The following BRIP1 variants were observed in gnomAD, a reference collection of about 807,000 sequenced individuals.
BRIP1 encodes the protein BRCA1 interacting DNA helicase 1, also known as Fanconi anemia group J protein.
BRIP1 carries 88 observed loss-of-function variants against 119.7 expected under a neutral mutation model. That is an observed-to-expected ratio of 0.74 (90% CI 0.62 to 0.88). The LOEUF is 0.88. BRIP1 is among the 40% of genes least tolerant of loss of function. The pLI is 0.00. For synonymous variants in BRIP1, 443 were observed against 496.5 expected, an observed-to-expected ratio of 0.89 and a Z score of 1.43; for missense variants, 1,259 against 1,455.4, an observed-to-expected ratio of 0.87 and a Z score of 2.20.
rs1403396129 is a variant in BRIP1, at chr17:61,730,479, G to A, written c.2379+12534C>T. Among the ~76,000 whole-genome samples the A allele has an allele frequency of 6.6e-6, 1 of 152,122 alleles. No homozygotes were observed. Among genetic ancestry groups the A allele is most frequent in the Non-Finnish European group, 1.5e-5 (1 of 68,032 alleles). On this transcript the variant is annotated intron_variant, in intron 16 of 19. Coordinates refer to ENST00000259008, the MANE Select transcript of BRIP1 (RefSeq NM_032043.3). The surrounding 1 kb of genome is among the most constrained non-coding windows in gnomAD (Gnocchi z 4.3). Reference sequence around the variant, plus strand: ...TCCATGCCAACATAAGTAGGTAAGTGTCAATCAACCTTACAAGTCCTCAGG... The same window carrying A: ...TCCATGCCAACATAAGTAGGTAAGTATCAATCAACCTTACAAGTCCTCAGG...
At position 61,844,015 on chromosome 17, in the gene BRIP1, T is replaced by G. The variant is rs2078694140; in HGVS notation, c.627+3086A>C. 6.6e-6 allele frequency among the ~76,000 whole-genome samples: 1 copy of G among 152,028 alleles called. No individual in the cohort carries two copies. Among genetic ancestry groups the G allele is most frequent in the African/African-American group, 2.4e-5 (1 of 41,420 alleles). On this transcript the variant is annotated intron_variant, in intron 6 of 19. Coordinates refer to ENST00000259008, the MANE Select transcript of BRIP1 (RefSeq NM_032043.3). The surrounding 1 kb of genome is among the most constrained non-coding windows in gnomAD (Gnocchi z 4.7). Reference sequence around the variant, plus strand: ...TCATAGTTCAATACAGCCTCAATCTTCTGGCTCAAGGGATCCCCCTCCCTC... The same window carrying G: ...TCATAGTTCAATACAGCCTCAATCTGCTGGCTCAAGGGATCCCCCTCCCTC...
Position 61,803,716 on chromosome 17 carries a change from C to T in BRIP1, c.919-2242G>A, listed in dbSNP as rs2078030536. On this transcript the variant is annotated intron_variant, in intron 7 of 19. Transcript: ENST00000259008. The surrounding 1 kb of genome is among the most constrained non-coding windows in gnomAD (Gnocchi z 4.3). The stretch of plus-strand genomic sequence containing the variant: ...TGTCTCATATACTATTAAAAATGTA[C>T]AAAATTAGAAAAGTATATATATTTT... Among the ~76,000 whole-genome samples, 1 of 151,804 alleles carries T rather than the reference C, an allele frequency of 6.6e-6. No homozygotes were observed. Among genetic ancestry groups the T allele is most frequent in the Non-Finnish European group, 1.5e-5 (1 of 67,964 alleles).
rs2078700410 is a variant in BRIP1 at position 61,844,471 on chromosome 17, T to A, written c.627+2630A>T. Reference sequence around the variant, plus strand: ...TGGGCATGGTGTTGCACAGCTGTAGTCCTTGCTATTCAGGAGGCTGGGGTT... The same window carrying A: ...TGGGCATGGTGTTGCACAGCTGTAGACCTTGCTATTCAGGAGGCTGGGGTT... On this transcript the variant is annotated intron_variant, in intron 6 of 19. Coordinates refer to ENST00000259008, the MANE Select transcript of BRIP1 (RefSeq NM_032043.3). This position sits in a 1 kb window ranked among gnomAD's most constrained non-coding sequence, Gnocchi z 4.7. Among the ~76,000 whole-genome samples the A allele has an allele frequency of 6.6e-6, 1 of 152,150 alleles. No homozygotes were observed. Among genetic ancestry groups the A allele is most frequent in the Non-Finnish European group, 1.5e-5 (1 of 68,024 alleles).
In BRIP1 at chr17:61,810,647, T is replaced by C; in HGVS notation, c.628-1890A>G. ...AGCTTTTTCTCAAGGCTGGGAAAAC[T>C]TACTTTTTGATGTTACACTTTTCAA... On this transcript the variant is annotated intron_variant, in intron 6 of 19. Coordinates refer to ENST00000259008, the MANE Select transcript of BRIP1 (RefSeq NM_032043.3). This position sits in a 1 kb window ranked among gnomAD's most constrained non-coding sequence, Gnocchi z 4.7. Among the ~76,000 whole-genome samples the C allele has an allele frequency of 6.6e-6, 1 of 152,174 alleles. No homozygotes were observed. The highest frequency in any genetic ancestry group is 3.2e-3 in the Middle Eastern group (1 of 316).
rs1173206012 is a variant in BRIP1 at position 61,743,573 on chromosome 17, C to T, written c.2258-439G>A. Among the ~76,000 whole-genome samples, 2 of 152,152 alleles carry T rather than the reference C, an allele frequency of 1.3e-5. No homozygotes were observed. Among genetic ancestry groups the T allele is most frequent in the Non-Finnish European group, 2.9e-5 (2 of 68,028 alleles). On this transcript the variant is annotated intron_variant, in intron 15 of 19. Transcript: ENST00000259008. The surrounding 1 kb of genome is among the most constrained non-coding windows in gnomAD (Gnocchi z 4.3). ...TATTTAAAAGTATTGAAAACAGACA[C>T]AGAGAACACCATAATATATACACCA...
rs2077221323 is a variant in BRIP1 at position 61,757,880 on chromosome 17, T to C, written c.2098-13289A>G. Among the ~76,000 whole-genome samples, 1 of 151,252 alleles carries C rather than the reference T, an allele frequency of 6.6e-6. No individual in the cohort carries two copies. Among genetic ancestry groups the C allele is most frequent in the Non-Finnish European group, 1.5e-5 (1 of 67,818 alleles). ...TGGTGGTATGTTCCTGTAGTCCCAG[T>C]TACCCAGGAGGCTGAAGTGGGAGGA... is the stretch of plus-strand genomic sequence containing the variant. On this transcript the variant is annotated intron_variant, in intron 14 of 19. Coordinates refer to ENST00000259008, the MANE Select transcript of BRIP1 (RefSeq NM_032043.3). The surrounding 1 kb of genome is among the most constrained non-coding windows in gnomAD (Gnocchi z 4.3).
chr17:61,793,858 G>T lies in BRIP1; in HGVS notation c.1341-129C>A. 1 of 922,376 alleles carries T rather than the reference G, an allele frequency of 1.1e-6. No homozygotes were observed. Among genetic ancestry groups the T allele is most frequent in the Non-Finnish European group, 1.5e-6 (1 of 659,074 alleles). The allele number at this position is 922,376 out of a possible 1,614,324, so 57.1% of individuals were successfully genotyped here. On this transcript the variant is annotated intron_variant, in intron 9 of 19. Transcript: ENST00000259008. This position sits in a 1 kb window ranked among gnomAD's most constrained non-coding sequence, Gnocchi z 5.2. Reference sequence around the variant, plus strand: ...CTTGACATTCTTAGGACATGAATGTGGATTAATTAAGACACCTTTTAAAAA... The same window carrying T: ...CTTGACATTCTTAGGACATGAATGTTGATTAATTAAGACACCTTTTAAAAA...
At chr17:61,696,943 G>T (rs559047198) in intron 17 of BRIP1, among the ~76,000 whole-genome samples, 1 of 134,260 alleles carries the variant, frequency 7.4e-6, no homozygotes, top group African/African-American at 2.8e-5. Context: ...CTGAGATTGC[G>T]CCGCTGTACT....
At position 61,760,439 on chromosome 17, in the gene BRIP1, A is replaced by G. The variant is rs1030660297; in HGVS notation, c.2098-15848T>C. Among the ~76,000 whole-genome samples the G allele has an allele frequency of 1.1e-4, 16 of 152,116 alleles. No individual in the cohort carries two copies. The highest frequency in any genetic ancestry group is 3.8e-4 in the African/African-American group (16 of 41,572). On this transcript the variant is annotated intron_variant, in intron 14 of 19. Coordinates refer to ENST00000259008, the MANE Select transcript of BRIP1 (RefSeq NM_032043.3). The surrounding 1 kb of genome is among the most constrained non-coding windows in gnomAD (Gnocchi z 4.6). ...CAGAAGGAAAGAAGTAATAAAGATCAGAGAATAAATAAATAAAGTAGAGAC... is the reference window on the plus strand; with the variant it reads ...CAGAAGGAAAGAAGTAATAAAGATCGGAGAATAAATAAATAAAGTAGAGAC...
In BRIP1 at chr17:61,738,519, T is replaced by C. The variant is rs1327611526; in HGVS notation, c.2379+4494A>G. Among the ~76,000 whole-genome samples, 3 of 152,144 alleles carry C rather than the reference T, an allele frequency of 2.0e-5. No homozygotes were observed. The highest frequency in any genetic ancestry group is 6.6e-5 in the Admixed American group (1 of 15,262). ...TGTTTTATGCACATAAGCAGAACTA[T>C]GACAAATAGGATCATGACTGAGGAA... On this transcript the variant is annotated intron_variant, in intron 16 of 19. Coordinates refer to ENST00000259008, the MANE Select transcript of BRIP1 (RefSeq NM_032043.3). The surrounding 1 kb of genome is among the most constrained non-coding windows in gnomAD (Gnocchi z 4.2).
chr17:61,765,829 GCACACACACACA>G (rs71150698), intron 14 of BRIP1, among the ~76,000 whole-genome samples: 2 of 146,428 alleles, frequency 1.4e-5, no homozygotes, highest in African/African-American at 5.1e-5. Context: ...CTATATTCAT[GCACACACACACA>G]CACACACACA....
intron 17 of BRIP1, among the ~76,000 whole-genome samples, chr17:61,714,766 T>C (rs1481818639): frequency 1.3e-5 from 2 of 151,942 alleles, no homozygotes; most frequent in East Asian, 1.9e-4. Context: ...ATCACGATTA[T>C]AGTTTGTTTT....
At position 61,684,900 on chromosome 17, in the gene BRIP1, C is replaced by G. The variant is rs2061338266; in HGVS notation, c.2906-760G>C. On this transcript the variant is annotated intron_variant, in intron 19 of 19. Coordinates refer to ENST00000259008, the MANE Select transcript of BRIP1 (RefSeq NM_032043.3). This position sits in a 1 kb window ranked among gnomAD's most constrained non-coding sequence, Gnocchi z 4.5. ...CCTGAGTAGCTGGGATTACAGACAG[C>G]TGCCTCCACACCCAGCTAATTTTTG... The G allele has an allele frequency of 1.3e-5, 2 of 152,102 alleles. No homozygotes were observed. Among genetic ancestry groups the G allele is most frequent in the Non-Finnish European group, 2.9e-5 (2 of 68,040 alleles). The allele number at this position is 152,102 out of a possible 1,614,324, so 9.4% of individuals were successfully genotyped here. A position where few individuals can be genotyped will look rare whatever the true frequency, so the allele number is the denominator to read the frequency against.
In BRIP1 at chr17:61,693,447, G is replaced by A. The variant is rs1060501775; in HGVS notation, c.2558C>T (p.Pro853Leu). 6.2e-7 allele frequency: 1 copy of A among 1,613,198 alleles called. No homozygotes were observed. The highest frequency in any genetic ancestry group is 2.2e-5 in the East Asian group (1 of 44,834). The change falls in exon 18 of 20, where the codon CCA becomes CTA. Residue 853 changes from proline (P) to leucine (L), a missense_variant. Around this residue, in one of 3 missense-constraint regions of BRIP1, gnomAD observed 753 missense variants for 891.8 expected, o/e 0.84. Transcript: ENST00000259008. The surrounding 1 kb of genome is among the most constrained non-coding windows in gnomAD (Gnocchi z 4.2). ...ILVDDRFRNNPSRYISGLSKW... is the reference protein window; with the variant it reads ...ILVDDRFRNNLSRYISGLSKW... The stretch of plus-strand genomic sequence containing the variant: ...GATCTTACCAGATATATAGCGACTT[G>A]GGTTATTCCTAAAGCGATCATCCAC...
In BRIP1 at chr17:61,679,372, A is replaced by C. The variant is rs886053195; in HGVS notation, c.*3924T>G. On this transcript the variant is annotated 3_prime_UTR_variant, in exon 20 of 20. Transcript: ENST00000259008. This position sits in a 1 kb window ranked among gnomAD's most constrained non-coding sequence, Gnocchi z 4.4. Reference sequence around the variant, plus strand: ...TAGACAGTTTTAAATAATTTAATCAAGTCATGAAACATCTACTCTTTACAT... The same window carrying C: ...TAGACAGTTTTAAATAATTTAATCACGTCATGAAACATCTACTCTTTACAT... 4.6e-5 allele frequency among the ~76,000 whole-genome samples: 7 copies of C among 152,218 alleles called. No individual in the cohort carries two copies.
rs551253571 is a variant in BRIP1, at chr17:61,839,275, T to C, written c.627+7826A>G. On this transcript the variant is annotated intron_variant, in intron 6 of 19. Transcript: ENST00000259008. ...AACATACAAAAAGGAGAAACATTCA[T>C]GCTCACTAAAACTATACATTTTATA... 2.6e-3 allele frequency among the ~76,000 whole-genome samples: 393 copies of C among 152,138 alleles called. 1 individual carries two copies. Among genetic ancestry groups the C allele is most frequent in the Non-Finnish European group, 3.9e-3 (265 of 67,934 alleles).
chr17:61,849,319 G>T, intron 4 of BRIP1, 63 bp from the exon 5 acceptor site: 2 of 1,404,300 alleles, frequency 1.4e-6, no homozygotes, highest in Non-Finnish European at 2.0e-6. Context: ...TTTTCTAGAA[G>T]AAAACTGGAA....
Position 61,683,484 on chromosome 17 carries a change from C to T in BRIP1, c.3562G>A (p.Glu1188Lys), listed in dbSNP as rs786201962. 1 of 1,613,568 alleles carries T rather than the reference C, an allele frequency of 6.2e-7. No individual in the cohort carries two copies. The highest frequency in any genetic ancestry group is 8.5e-7 in the Non-Finnish European group (1 of 1,179,780). The change falls in exon 20 of 20, where the codon GAG (glutamate) becomes AAG (lysine). Residue 1188 changes from glutamate (E) to lysine (K), a missense_variant. Transcript: ENST00000259008. The surrounding 1 kb of genome is among the most constrained non-coding windows in gnomAD (Gnocchi z 4.7). The stretch of plus-strand genomic sequence containing the variant: ...TTCAACTTTGTATCTATGCAATCCT[C>T]AGCTTTCACTTCTCTGGCTGAATCT... Reference protein sequence around the residue: ...EVDSAREVKAEDCIDTKLNGI... With the variant: ...EVDSAREVKAKDCIDTKLNGI...
rs201024366 is a variant in BRIP1 at position 61,780,254 on chromosome 17, A to G, written c.1935+7T>C. The G allele has an allele frequency of 5.8e-5, 94 of 1,611,938 alleles. 1 individual carries two copies. In the East Asian group the frequency reaches 2.1e-3, roughly 36 times the overall value. On this transcript the variant is annotated splice_region_variant and intron_variant, in intron 13 of 19. Transcript: ENST00000259008. This position sits in a 1 kb window ranked among gnomAD's most constrained non-coding sequence, Gnocchi z 5.4. ...AAGGCCTTCCAAAAAAAAAAACAAC[A>G]ACTAACCTGTGAATTTTTAATGATA...
Sources: allele counts gnomAD v4.1 joint callset (sites outside exome capture counted in the v4.1 genomes callset), GRCh38; gene constraint gnomAD v4.1.1; regional missense constraint gnomAD v4.1.1; non-coding constraint Gnocchi (gnomAD v3.1); transcripts MANE v1.5; gene names NCBI Gene and HGNC (gene_info 2026-07-23, HGNC 2026-07-21).